Variants in POLR1F observed in about 807,000 individuals in gnomAD.
POLR1F encodes DNA-directed RNA polymerase I subunit RPA43.
Under a neutral mutation model 21.8 loss-of-function variants are expected in POLR1F, and 23 were observed. The observed-to-expected ratio is 1.05, with a 90% CI of 0.76 to 1.49. The LOEUF is 1.49. POLR1F is among the 40% of genes most tolerant of loss of function. POLR1F has a pLI of 0.00. For missense variants in POLR1F, 435 were observed against 412.1 expected (o/e 1.06, Z -0.48); for synonymous variants, 162 against 152.8 (o/e 1.06, Z -0.45).
chr7:19,702,189 C>T (rs146201663), intron 2 of POLR1F, among the ~76,000 whole-genome samples: 7 of 152,140 alleles, frequency 4.6e-5, no homozygotes, highest in Admixed American at 2.6e-4. Context: ...AACAAATGCA[C>T]CATACTAATG....
At chr7:19,708,121 G>GT (rs1041689123) in intron 1 of POLR1F, among the ~76,000 whole-genome samples, 3 of 152,010 alleles carry the variant, frequency 2.0e-5, no homozygotes, top group Non-Finnish European at 4.4e-5. Context: ...ATACGTTTTG[G>GT]TTTTTTCTCT....
chr7:19,700,580 C>A (rs1038963579), intron 2 of POLR1F, among the ~76,000 whole-genome samples: 6 of 152,140 alleles, frequency 3.9e-5, no homozygotes, highest in African/African-American at 1.4e-4. Flanking sequence ...CCCCCGCCAC[C>A]CTGTCCAAGA....
At chr7:19,702,069 C>A (rs1278334512) in intron 2 of POLR1F, among the ~76,000 whole-genome samples, 5 of 152,098 alleles carry the variant, frequency 3.3e-5, no homozygotes, top group African/African-American at 1.2e-4. Flanking sequence ...TCAATAAATG[C>A]CATGACACAT....
In POLR1F at chr7:19,704,786, T is replaced by G. The variant is rs138859678; in HGVS notation, c.389A>C (p.Lys130Thr). Reference protein sequence around the residue: ...FVIFCPEPGQKLMGIVNKVSS... With the variant: ...FVIFCPEPGQTLMGIVNKVSS... ...AAAAAGTGATACACATACCATAAGC[T>G]TCTGCCCTGGTTCAGGGCAGAAAAT... is the stretch of plus-strand genomic sequence containing the variant. The change falls in exon 2 of 4, where the codon AAG (lysine) becomes ACG (threonine). Residue 130 changes from lysine (K) to threonine (T), a missense_variant. Transcript: ENST00000222567. 6.3e-7 allele frequency: 1 copy of G among 1,596,778 alleles called. No homozygotes were observed. The highest frequency in any genetic ancestry group is 1.8e-5 in the Admixed American group (1 of 55,038).
chr7:19,708,842 G>A lies in POLR1F; in HGVS notation c.175C>T (p.Leu59=), dbSNP rs990861356. ...VAGPHQRHIA[L]SPRYLNRKRT... The stretch of plus-strand genomic sequence containing the variant: ...TTCCTGTTAAGGTAGCGGGGCGACA[G>A]CGCGATGTGCCTTTGGTGCGGCCCG... Residue 59 remains leucine (L), a synonymous_variant, in exon 1 of 4, where the codon CTG becomes TTG. Transcript: ENST00000222567. The A allele has an allele frequency of 1.4e-5, 23 of 1,614,084 alleles. No homozygotes were observed. Among genetic ancestry groups the A allele is most frequent in the Admixed American group, 1.3e-4 (8 of 60,012 alleles).
chr7:19,696,509 T>C lies in POLR1F; in HGVS notation c.*1807A>G, dbSNP rs1420694051. On this transcript the variant is annotated 3_prime_UTR_variant, in exon 4 of 4. Transcript: ENST00000222567. ...GAATTGTTTCACTAAAAATTAAATT[T>C]CTATATTGTCAAACATGATTGTATA... 2 of 152,092 alleles carry C rather than the reference T, an allele frequency of 1.3e-5. No homozygotes were observed. The highest frequency in any genetic ancestry group is 2.9e-5 in the Non-Finnish European group (2 of 67,942). 9.4% of individuals were successfully genotyped at this position (152,092 alleles called of 1,614,324 possible). A position where few individuals can be genotyped will look rare whatever the true frequency, so the allele number is the denominator to read the frequency against.
intron 2 of POLR1F, among the ~76,000 whole-genome samples, chr7:19,700,978 A>G (rs1783439794): frequency 6.6e-6 from 1 of 152,246 alleles, no homozygotes; most frequent in Non-Finnish European, 1.5e-5. Flanking sequence ...ATATATACAA[A>G]GCATATAAAT....
rs1179793204 is a variant in POLR1F, at chr7:19,708,963, A to T, written c.54T>A (p.Ser18=). 3.1e-6 allele frequency: 5 copies of T among 1,605,856 alleles called. No homozygotes were observed. Among genetic ancestry groups the T allele is most frequent in the Non-Finnish European group, 3.4e-6 (4 of 1,174,956 alleles). Residue 18 remains serine, a synonymous_variant, in exon 1 of 4, where the codon TCT becomes TCA. Transcript: ENST00000222567. Reference sequence around the variant, plus strand: ...GCAGGACGCCAGCCTGCCCTACCAGAGACCCATCAGAAGCCGCCGCTGGCC... The same window carrying T: ...GCAGGACGCCAGCCTGCCCTACCAGTGACCCATCAGAAGCCGCCGCTGGCC... ...APRPAAASDG[S]LVGQAGVLPC...
At chr7:19,699,976 G>T in intron 3 of POLR1F, 96 bp downstream of exon 3, 1 of 1,026,516 alleles carries the variant, frequency 9.7e-7, no homozygotes, top group Middle Eastern at 3.2e-4. Context: ...TTTTAGAGAG[G>T]CTTATTCTCT....
At chr7:19,704,613 T>TA (rs1783491968) in intron 2 of POLR1F, among the ~76,000 whole-genome samples, 166 bp downstream of exon 2, 2 of 152,178 alleles carry the variant, frequency 1.3e-5, no homozygotes, top group Non-Finnish European at 1.5e-5. Flanking sequence ...TTCAAAAACT[T>TA]ACCTACGTTT....
Position 19,708,717 on chromosome 7 carries a change from T to C in POLR1F, c.254+46A>G, listed in dbSNP as rs1180843711. ...CTGCGTCGTCAGCACATCCACCTGCTTTACTTCCCGTGCACAAAAGAAGGA... is the reference window on the plus strand; with the variant it reads ...CTGCGTCGTCAGCACATCCACCTGCCTTACTTCCCGTGCACAAAAGAAGGA... On this transcript the variant is annotated intron_variant, in intron 1 of 3. Transcript: ENST00000222567. 3 of 1,575,710 alleles carry C rather than the reference T, an allele frequency of 1.9e-6. No individual in the cohort carries two copies. The African/African-American group carries it at 4.0e-5, about 21-fold the overall frequency.
At chr7:19,702,459 T>A (rs1479002589) in intron 2 of POLR1F, among the ~76,000 whole-genome samples, 2 of 152,122 alleles carry the variant, frequency 1.3e-5, no homozygotes, top group African/African-American at 4.8e-5. Context: ...AAGCTAAAAC[T>A]AAAAGCTTGT....
In POLR1F at chr7:19,704,822, G is replaced by C; in HGVS notation, c.353C>G (p.Ala118Gly). 1 of 1,607,396 alleles carries C rather than the reference G, an allele frequency of 6.2e-7. No individual in the cohort carries two copies. Among genetic ancestry groups the C allele is most frequent in the Non-Finnish European group, 8.5e-7 (1 of 1,177,956 alleles). Residue 118 changes from alanine to glycine, a missense_variant, in exon 2 of 4, where the codon GCC becomes GGC. By Grantham distance (60) the Ala-to-Gly change is moderately conservative (BLOSUM62 0). Coordinates refer to ENST00000222567, the MANE Select transcript of POLR1F (RefSeq NM_001002926.2). Reference protein sequence around the residue: ...DQGHIHLNIEADFVIFCPEPG... With the variant: ...DQGHIHLNIEGDFVIFCPEPG... ...TTCAGGGCAGAAAATAACAAAATCG[G>C]CTTCAATGTTAAGATGAATGTGTCC...
chr7:19,698,671 T>A lies in POLR1F; in HGVS notation c.662A>T (p.Glu221Val). Reference protein sequence around the residue: ...SEEVTENGTEEAAKKPKKKKK... With the variant: ...SEEVTENGTEVAAKKPKKKKK... ...CTTCTTTTTAGGTTTTTTAGCAGCTTCCTCAGTGCCATTTTCTGTAACTTC... is the reference window on the plus strand; with the variant it reads ...CTTCTTTTTAGGTTTTTTAGCAGCTACCTCAGTGCCATTTTCTGTAACTTC... The change falls in exon 4 of 4, where the codon GAA becomes GTA. Residue 221 changes from glutamate to valine, a missense_variant. Glu to Val is a moderately radical substitution (Grantham distance 121). Transcript: ENST00000222567. The A allele has an allele frequency of 6.3e-7, 1 of 1,582,642 alleles. No homozygotes were observed. Among genetic ancestry groups the A allele is most frequent in the South Asian group, 1.2e-5 (1 of 84,250 alleles).
At chr7:19,707,363 C>T (rs1783541208) in intron 1 of POLR1F, among the ~76,000 whole-genome samples, 2 of 152,244 alleles carry the variant, frequency 1.3e-5, no homozygotes, top group South Asian at 2.1e-4. Flanking sequence ...GGAAAAACAA[C>T]AACAACCCCA....
chr7:19,704,145 TAAA>T (rs1208493701), intron 2 of POLR1F, among the ~76,000 whole-genome samples: 3 of 152,226 alleles, frequency 2.0e-5, no homozygotes, highest in African/African-American at 7.2e-5. Context: ...TCTGATCTAT[TAAA>T]ATATTTATCA....
Position 19,698,599 on chromosome 7 carries a change from G to C in POLR1F, c.734C>G (p.Thr245Arg). 6.2e-7 allele frequency: 1 copy of C among 1,613,220 alleles called. No homozygotes were observed. The highest frequency in any genetic ancestry group is 8.5e-7 in the Non-Finnish European group (1 of 1,179,738). The change falls in exon 4 of 4, where the codon ACA becomes AGA. Residue 245 changes from threonine (T) to arginine (R), a missense_variant. By Grantham distance (71) the Thr-to-Arg change is moderately conservative. Transcript: ENST00000222567. ...PETYEVDSGT[T>R]KLADDADDTP... ...GTCATCTGCATCATCTGCTAGCTTTGTGGTACCACTGTCCACTTCATATGT... is the reference window on the plus strand; with the variant it reads ...GTCATCTGCATCATCTGCTAGCTTTCTGGTACCACTGTCCACTTCATATGT...
chr7:19,698,708 C>G lies in POLR1F; in HGVS notation c.625G>C (p.Glu209Gln), dbSNP rs1783409260. ...TTTTCTGTAACTTCTTCAGAAACTTCAGAGCGCTTGAATTGTAAACTATAA... is the reference window on the plus strand; with the variant it reads ...TTTTCTGTAACTTCTTCAGAAACTTGAGAGCGCTTGAATTGTAAACTATAA... ...NITSLQFKRS[E>Q]VSEEVTENGT... is the part of the protein sequence containing the mutation. Residue 209 changes from glutamate to glutamine, a missense_variant, in exon 4 of 4, where the codon GAA (glutamate) becomes CAA (glutamine). By Grantham distance (29) the Glu-to-Gln change is conservative. Transcript: ENST00000222567. 1.9e-6 allele frequency: 3 copies of G among 1,552,264 alleles called. No individual in the cohort carries two copies. Among genetic ancestry groups the G allele is most frequent in the Non-Finnish European group, 2.6e-6 (3 of 1,159,948 alleles).
At chr7:19,704,457 T>G (rs1484873251) in intron 2 of POLR1F, among the ~76,000 whole-genome samples, 1 of 152,186 alleles carries the variant, frequency 6.6e-6, no homozygotes, top group Non-Finnish European at 1.5e-5. Flanking sequence ...GAATCCTTTA[T>G]AAAGAAATAG....
Sources: gnomAD v4.1 joint callset for allele counts (sites outside exome capture counted in the v4.1 genomes callset) on GRCh38, gnomAD v4.1.1 for gene constraint, MANE v1.5 for transcripts, NCBI Gene and HGNC (gene_info 2026-07-23, HGNC 2026-07-21) for gene names.